TRAPPC12: variants seen among roughly 807,000 people sequenced by gnomAD.
TRAPPC12 encodes trafficking protein particle complex subunit 12, also known as TPR repeat protein 15.
TRAPPC12 carries 61 observed loss-of-function variants against 69.2 expected under a neutral mutation model. The ratio of observed to expected loss-of-function variants is 0.88; its 90% confidence interval spans 0.72 to 1.09. TRAPPC12 has a LOEUF of 1.09. TRAPPC12 is among the 50% of genes least tolerant of loss of function. TRAPPC12 has a pLI of 0.00. For missense variants in TRAPPC12, 1,101 were observed against 1,016.4 expected (o/e 1.08, Z -1.13); for synonymous variants, 469 against 438.9 (o/e 1.07, Z -0.86).
Position 3,478,839 on chromosome 2 carries a change from G to GT in TRAPPC12, c.1878-5dup. ...CCCGCTAACTGCCACCGTTGCTTGTGTTACAGCGCGTTCCTTCACCTCGGG... is the reference window on the plus strand; with the variant it reads ...CCCGCTAACTGCCACCGTTGCTTGTGTTTACAGCGCGTTCCTTCACCTCGGG... On this transcript the variant is annotated splice_polypyrimidine_tract_variant and splice_region_variant and intron_variant, in intron 10 of 11. Coordinates refer to ENST00000324266, the MANE Select transcript of TRAPPC12 (RefSeq NM_016030.6). 6.2e-7 allele frequency: 1 copy of GT among 1,613,962 alleles called. No individual in the cohort carries two copies. Among genetic ancestry groups the GT allele is most frequent in the Non-Finnish European group, 8.5e-7 (1 of 1,179,954 alleles).
intron 3 of TRAPPC12, among the ~76,000 whole-genome samples, chr2:3,417,197 G>A (rs1267725477): frequency 6.6e-6 from 1 of 152,172 alleles, no homozygotes; most frequent in African/African-American, 2.4e-5. Flanking sequence ...TCTGCCTGCT[G>A]CGTCTCCATG....
intron 1 of TRAPPC12, among the ~76,000 whole-genome samples, chr2:3,383,938 C>T (rs542429854): frequency 1.4e-4 from 18 of 125,692 alleles, no homozygotes; most frequent in African/African-American, 5.4e-4. Context: ...TGCTGTTGCC[C>T]AGGCTGGAGC....
intron 2 of TRAPPC12, among the ~76,000 whole-genome samples, chr2:3,393,080 A>T (rs867960371): frequency 1.2e-4 from 18 of 152,298 alleles, no homozygotes; most frequent in Middle Eastern, 6.8e-3. Flanking sequence ...ACTGCACTCC[A>T]GCATGGATAA....
At chr2:3,406,861 GT>G (rs1413714876) in intron 3 of TRAPPC12, among the ~76,000 whole-genome samples, 1 of 152,032 alleles carries the variant, frequency 6.6e-6, no homozygotes, top group Non-Finnish European at 1.5e-5. Context: ...CTCTTTGATC[GT>G]TCCTGTTATT....
intron 9 of TRAPPC12, among the ~76,000 whole-genome samples, chr2:3,472,983 T>A (rs1666129319): frequency 6.6e-6 from 1 of 152,174 alleles, no homozygotes; most frequent in Admixed American, 6.5e-5. Context: ...GATCTCCAGG[T>A]GCTAAGACAC....
intron 4 of TRAPPC12, among the ~76,000 whole-genome samples, chr2:3,422,597 G>T (rs775701575): frequency 6.6e-6 from 1 of 152,176 alleles, no homozygotes; most frequent in East Asian, 1.9e-4. Flanking sequence ...CAGATCACCA[G>T]ATCCTTCAGA....
At chr2:3,425,015 C>T (rs915420580) in intron 5 of TRAPPC12, among the ~76,000 whole-genome samples, 11 of 152,244 alleles carry the variant, frequency 7.2e-5, no homozygotes, top group Non-Finnish European at 1.6e-4. Flanking sequence ...AGATGCAGAG[C>T]GGTGGAACCA....
intron 1 of TRAPPC12, among the ~76,000 whole-genome samples, chr2:3,386,113 A>G (rs1660477390): frequency 6.6e-6 from 1 of 152,244 alleles, no homozygotes; most frequent in Non-Finnish European, 1.5e-5. Flanking sequence ...TATGTACTTT[A>G]AAATAATGTT....
At chr2:3,464,437 A>G (rs1364499499) in intron 8 of TRAPPC12, among the ~76,000 whole-genome samples, 5 of 152,192 alleles carry the variant, frequency 3.3e-5, no homozygotes, top group African/African-American at 7.2e-5. Context: ...TAACATCCCA[A>G]TTAGCAAGCC....
At chr2:3,457,289 G>C (rs533727783) in intron 6 of TRAPPC12, 9 of 434,300 alleles carry the variant, frequency 2.1e-5, no homozygotes, top group African/African-American at 1.0e-4. Flanking sequence ...GACTACCAGT[G>C]GGGGGAGGGT....
chr2:3,379,772 G>C lies in TRAPPC12; in HGVS notation c.-109G>C, dbSNP rs1660115710. 6.6e-6 allele frequency: 1 copy of C among 152,360 alleles called. No individual in the cohort carries two copies. Among genetic ancestry groups the C allele is most frequent in the South Asian group, 2.1e-4 (1 of 4,818 alleles). 9.4% of individuals were successfully genotyped at this position (152,360 alleles called of 1,614,324 possible). A position where few individuals can be genotyped will look rare whatever the true frequency, so the allele number is the denominator to read the frequency against. ...ACGCGCAGGCGTACAGAGCTCCCCGGGGGTGCCAGTTCCTCTCCGATTCCC... is the reference window on the plus strand; with the variant it reads ...ACGCGCAGGCGTACAGAGCTCCCCGCGGGTGCCAGTTCCTCTCCGATTCCC... On this transcript the variant is annotated 5_prime_UTR_variant, in exon 1 of 12. Coordinates refer to ENST00000324266, the MANE Select transcript of TRAPPC12 (RefSeq NM_016030.6).
intron 8 of TRAPPC12, among the ~76,000 whole-genome samples, chr2:3,462,004 T>C (rs889965391): frequency 2.0e-5 from 3 of 152,256 alleles, no homozygotes; most frequent in Non-Finnish European, 2.9e-5. Flanking sequence ...CTGAGGGCAT[T>C]GTCAGCGTCA....
intron 2 of TRAPPC12, chr2:3,389,728 T>G: frequency 2.1e-6 from 1 of 471,122 alleles, no homozygotes; most frequent in South Asian, 1.5e-5. Flanking sequence ...CGCGGAGTCC[T>G]GAGTTCTTGT....
intron 9 of TRAPPC12, chr2:3,466,255 C>A (rs990845226): frequency 1.3e-5 from 6 of 471,006 alleles, no homozygotes; most frequent in Admixed American, 2.3e-5. Context: ...CCCTTGCAGG[C>A]GGAGCACAGG....
chr2:3,468,977 A>T (rs1186424051), intron 9 of TRAPPC12, among the ~76,000 whole-genome samples: 1 of 152,230 alleles, frequency 6.6e-6, no homozygotes, highest in Non-Finnish European at 1.5e-5. Context: ...CTAAATGTAG[A>T]CAGAATTGAC....
At chr2:3,465,033 G>A (rs940517289) in intron 8 of TRAPPC12, among the ~76,000 whole-genome samples, 72 of 152,202 alleles carry the variant, frequency 4.7e-4, no homozygotes, top group Admixed American at 4.1e-3. Flanking sequence ...GGTCTCATGC[G>A]TGCCGCACGG....
chr2:3,388,420 G>A lies in TRAPPC12; in HGVS notation c.797G>A (p.Arg266Gln). 1 of 1,604,904 alleles carries A rather than the reference G, an allele frequency of 6.2e-7. No individual in the cohort carries two copies. The stretch of plus-strand genomic sequence containing the variant: ...GGGCGCCCCGAACCCGTGGCCATGC[G>A]AGGGCCCCAGGCAGCTGCGCCCCCG... ...TEGRPEPVAM[R>Q]GPQAAAPPAS... The change falls in exon 2 of 12, where the codon CGA (arginine) becomes CAA (glutamine). Residue 266 changes from arginine (R) to glutamine (Q), a missense_variant. By Grantham distance (43) the Arg-to-Gln change is conservative. Coordinates refer to ENST00000324266, the MANE Select transcript of TRAPPC12 (RefSeq NM_016030.6).
At chr2:3,479,153 A>G (rs1349547747) in intron 11 of TRAPPC12, 66 bp from the exon 12 acceptor site, 1 of 1,574,302 alleles carries the variant, frequency 6.4e-7, no homozygotes, top group Non-Finnish European at 8.6e-7. Flanking sequence ...CCCAGCACGC[A>G]GCCTGGAATG....
At chr2:3,434,474 AT>A (rs1375169357) in intron 5 of TRAPPC12, among the ~76,000 whole-genome samples, 1 of 152,244 alleles carries the variant, frequency 6.6e-6, no homozygotes, top group East Asian at 1.9e-4. Flanking sequence ...TTTTTCAATG[AT>A]ACAAGTCAAG....
Sources: gnomAD v4.1 joint callset for allele counts (sites outside exome capture counted in the v4.1 genomes callset) on GRCh38, gnomAD v4.1.1 for gene constraint, MANE v1.5 for transcripts, NCBI Gene and HGNC (gene_info 2026-07-23, HGNC 2026-07-21) for gene names.